Variants in FAM167A observed in about 807,000 individuals in gnomAD.
The protein encoded by FAM167A is protein FAM167A.
Under a neutral mutation model 14.9 loss-of-function variants are expected in FAM167A, and 23 were observed. That is an observed-to-expected ratio of 1.55 (90% CI 1.11 to 2.19). The LOEUF is 2.19. Among genes scored for constraint, FAM167A ranks in the 30% most tolerant of loss-of-function variants. The pLI is 0.00. For synonymous variants in FAM167A, 174 were observed against 117.7 expected, an observed-to-expected ratio of 1.48 and a Z score of -3.10; for missense variants, 401 against 281.5, an observed-to-expected ratio of 1.42 and a Z score of -3.04.
At chr8:11,469,144 T>G (rs1807874211), upstream of FAM167A, among the ~76,000 whole-genome samples, 1 of 152,256 alleles carries the variant, frequency 6.6e-6, no homozygotes, top group South Asian at 2.1e-4. Context: ...CCAAATCCTG[T>G]GTACATTATG....
At chr8:11,451,288 C>G (rs1275611966) in intron 1 of FAM167A, among the ~76,000 whole-genome samples, 1 of 152,212 alleles carries the variant, frequency 6.6e-6, no homozygotes, top group East Asian at 1.9e-4. Flanking sequence ...CCATCACAGC[C>G]CAGTGGCAAG....
intron 2 of FAM167A, among the ~76,000 whole-genome samples, chr8:11,433,439 T>C (rs1302424391): frequency 6.6e-6 from 1 of 152,220 alleles, no homozygotes; most frequent in Non-Finnish European, 1.5e-5. Context: ...AGAATGTGGC[T>C]GTGTGCACTT....
chr8:11,460,498 C>T (rs1202157988), intron 1 of FAM167A, among the ~76,000 whole-genome samples: 4 of 152,236 alleles, frequency 2.6e-5, no homozygotes, highest in East Asian at 3.8e-4. Flanking sequence ...GGCGCCGACT[C>T]GCCCACGTTT....
intron 1 of FAM167A, among the ~76,000 whole-genome samples, chr8:11,447,603 T>C (rs967697655): frequency 1.3e-5 from 2 of 152,186 alleles, no homozygotes; most frequent in African/African-American, 4.8e-5. Context: ...TCACCCCATT[T>C]CACCAAGGAG....
intron 2 of FAM167A, chr8:11,438,356 A>C (rs539498010): frequency 2.3e-5 from 10 of 441,688 alleles, no homozygotes; most frequent in African/African-American, 4.0e-5. Context: ...CTCACATCAA[A>C]CAGGAATGTT....
At chr8:11,430,656 C>G (rs1805518778) in intron 2 of FAM167A, among the ~76,000 whole-genome samples, 2 of 151,986 alleles carry the variant, frequency 1.3e-5, no homozygotes, top group Admixed American at 6.6e-5. Context: ...AAGGCAAACC[C>G]CCAAGAGCAG....
chr8:11,455,820 C>CTG (rs1807240448), intron 1 of FAM167A, among the ~76,000 whole-genome samples: 1 of 138,236 alleles, frequency 7.2e-6, no homozygotes, highest in African/African-American at 2.8e-5. Flanking sequence ...GGTTGCCTTG[C>CTG]TGTGTATGAG....
intron 1 of FAM167A, among the ~76,000 whole-genome samples, chr8:11,455,408 G>A (rs1807203081): frequency 7.3e-6 from 1 of 137,026 alleles, no homozygotes; most frequent in Non-Finnish European, 1.6e-5. Flanking sequence ...TGAGTGTGGG[G>A]GGTGGCTGCT....
chr8:11,451,258 C>T (rs1807014003), intron 1 of FAM167A, among the ~76,000 whole-genome samples: 1 of 152,224 alleles, frequency 6.6e-6, no homozygotes, highest in Non-Finnish European at 1.5e-5. Flanking sequence ...CAAAGCCAAG[C>T]CGACAGTGTG....
upstream of FAM167A, among the ~76,000 whole-genome samples, chr8:11,469,408 A>AC (rs2117169628): frequency 6.6e-6 from 1 of 152,244 alleles, no homozygotes; most frequent in African/African-American, 2.4e-5. Flanking sequence ...GCACACTGAA[A>AC]CCCAGTGATG....
intron 2 of FAM167A, among the ~76,000 whole-genome samples, chr8:11,437,750 G>C (rs1806128310): frequency 6.6e-6 from 1 of 152,174 alleles, no homozygotes; most frequent in Admixed American, 6.5e-5. Context: ...GTCGTGTGCT[G>C]TTATAATGGG....
intron 1 of FAM167A, 96 bp downstream of exon 1, chr8:11,466,530 G>C (rs552854763): frequency 6.6e-6 from 1 of 152,118 alleles, no homozygotes; most frequent in Non-Finnish European, 1.5e-5. Context: ...TCGCGCTGGG[G>C]ACCTGCGACG....
intron 2 of FAM167A, among the ~76,000 whole-genome samples, chr8:11,429,744 C>G (rs1805445121): frequency 6.6e-6 from 1 of 152,160 alleles, no homozygotes; most frequent in Admixed American, 6.5e-5. Context: ...AGGGAAAATC[C>G]ACAGCCCTGG....
chr8:11,468,727 C>T (rs1255400657), upstream of FAM167A, among the ~76,000 whole-genome samples: 1 of 152,176 alleles, frequency 6.6e-6, no homozygotes, highest in Non-Finnish European at 1.5e-5. Context: ...ATGCTTTGTC[C>T]CACCTCTACC....
chr8:11,448,621 C>T (rs1210752556), intron 1 of FAM167A, among the ~76,000 whole-genome samples: 1 of 152,266 alleles, frequency 6.6e-6, no homozygotes, highest in Non-Finnish European at 1.5e-5. Context: ...CCACCTCCCC[C>T]AGATTTTCAG....
upstream of FAM167A, chr8:11,467,661 C>CA (rs1226341588): frequency 2.6e-5 from 4 of 152,430 alleles, no homozygotes; most frequent in Admixed American, 6.5e-5. Context: ...GGTGGGGCTG[C>CA]AAAGTGACTG....
In FAM167A at chr8:11,423,150, C is replaced by G. The variant is rs1804878173; in HGVS notation, c.*1223G>C. ...AATGAGAGGACTCGACTAGATGACA[C>G]CAAAGGTCAGAAACACTCCTTATCT... On this transcript the variant is annotated 3_prime_UTR_variant, in exon 3 of 3. Coordinates refer to ENST00000284486, the MANE Select transcript of FAM167A (RefSeq NM_053279.3). 1 of 152,314 alleles carries G rather than the reference C, an allele frequency of 6.6e-6. No individual in the cohort carries two copies. Among genetic ancestry groups the G allele is most frequent in the Admixed American group, 6.5e-5 (1 of 15,286 alleles). The allele number at this position is 152,314 out of a possible 1,614,324, so 9.4% of individuals were successfully genotyped here.
rs115684714 is a variant in FAM167A, at chr8:11,438,316, T to G, written c.381+5715A>C. 7.5e-3 allele frequency: 3,089 copies of G among 410,466 alleles called. 78 individuals carry two copies. Among genetic ancestry groups the G allele is most frequent in the African/African-American group, 0.058 (2,828 of 48,632 alleles). 25.4% of individuals were successfully genotyped at this position (410,466 alleles called of 1,614,324 possible). A position where few individuals can be genotyped will look rare whatever the true frequency, so the allele number is the denominator to read the frequency against. ...CCTCCCGGTTGGGGTCAGCTGCAGCTCCCTGGCCAGCAGCCCCAACTCATC... is the reference window on the plus strand; with the variant it reads ...CCTCCCGGTTGGGGTCAGCTGCAGCGCCCTGGCCAGCAGCCCCAACTCATC... On this transcript the variant is annotated intron_variant, in intron 2 of 2. Transcript: ENST00000284486.
chr8:11,424,323 C>CT lies in FAM167A; in HGVS notation c.*49dup. On this transcript the variant is annotated 3_prime_UTR_variant, in exon 3 of 3. Transcript: ENST00000284486. ...TTGGCCTCAGCTTCCTCTGACACCCCTCCAGCCCAAGCCCTCCGCTCCAGC... is the reference window on the plus strand; with the variant it reads ...TTGGCCTCAGCTTCCTCTGACACCCCTTCCAGCCCAAGCCCTCCGCTCCAGC... The CT allele has an allele frequency of 6.2e-7, 1 of 1,604,678 alleles. No individual in the cohort carries two copies. The highest frequency in any genetic ancestry group is 1.1e-5 in the South Asian group (1 of 90,540).
Sources: allele counts gnomAD v4.1 joint callset (sites outside exome capture counted in the v4.1 genomes callset), GRCh38; gene constraint gnomAD v4.1.1; transcripts MANE v1.5; gene names NCBI Gene and HGNC (gene_info 2026-07-23, HGNC 2026-07-21).